Variants in NRDE2 observed in about 807,000 individuals in gnomAD.
The protein encoded by NRDE2 is nuclear exosome regulator NRDE2.
Under a neutral mutation model 124.2 loss-of-function variants are expected in NRDE2, and 76 were observed. The observed-to-expected ratio is 0.61, with a 90% confidence interval of 0.51 to 0.74. The LOEUF is 0.74. Among genes scored for constraint, NRDE2 ranks in the 30% least tolerant of loss-of-function variants. The probability of loss-of-function intolerance (pLI) is 0.00; values close to 1 mark genes in which losing one functional copy is unlikely to be tolerated. For synonymous variants in NRDE2, 489 were observed against 528.1 expected (o/e 0.93, Z 1.01); for missense variants, 1,314 against 1,417.3 (o/e 0.93, Z 1.17).
At chr14:90,315,078 G>A (rs1365671489) in intron 3 of NRDE2, among the ~76,000 whole-genome samples, 1 of 149,718 alleles carries the variant, frequency 6.7e-6, no homozygotes, top group East Asian at 2.0e-4. Flanking sequence ...TTGGGAGGCT[G>A]AGGCAGGAGA....
intron 1 of NRDE2, among the ~76,000 whole-genome samples, chr14:90,323,556 G>A (rs921367044): frequency 6.6e-6 from 1 of 152,156 alleles, no homozygotes. Flanking sequence ...TATGGAAGAA[G>A]ATTTGTTCCT....
chr14:90,293,768 T>C (rs905307992), intron 8 of NRDE2, among the ~76,000 whole-genome samples: 8 of 152,194 alleles, frequency 5.3e-5, no homozygotes, highest in Non-Finnish European at 1.0e-4. Flanking sequence ...CAATAATTTA[T>C]TTCACTTTGT....
intron 11 of NRDE2, among the ~76,000 whole-genome samples, chr14:90,287,033 C>CAAAAAAA (rs60863011): frequency 2.3e-3 from 55 of 23,792 alleles, no homozygotes; most frequent in Non-Finnish European, 2.8e-3. Context: ...GACTCCGTCT[C>CAAAAAAA]AAAAAAAAAA....
In NRDE2 at chr14:90,272,561, T is replaced by C. The variant is rs562422202; in HGVS notation, c.*5775A>G. 25 of 580,992 alleles carry C rather than the reference T, an allele frequency of 4.3e-5. No individual in the cohort carries two copies. Among genetic ancestry groups the C allele is most frequent in the East Asian group, 3.3e-4 (11 of 32,934 alleles). The allele number at this position is 580,992 out of a possible 1,614,324, so 36.0% of individuals were successfully genotyped here. On this transcript the variant is annotated 3_prime_UTR_variant, in exon 14 of 14. Coordinates refer to ENST00000354366, the MANE Select transcript of NRDE2 (RefSeq NM_017970.4). The surrounding 1 kb of genome is among the most constrained non-coding windows in gnomAD (Gnocchi z 4.5). ...TTGGAGTACGATGTGTAAGTGCCCA[T>C]TGGGTGGCCTGTTGGTCACTGTGCA...
Position 90,302,712 on chromosome 14 carries a change from C to T in NRDE2, c.1411+8G>A. ...CTCCCACGTAACTGGATCTGGTTAT[C>T]TCCTTACCAAACATGGCCTCTTCCG... On this transcript the variant is annotated splice_region_variant and intron_variant, in intron 6 of 13. Coordinates refer to ENST00000354366, the MANE Select transcript of NRDE2 (RefSeq NM_017970.4). The T allele has an allele frequency of 6.3e-7, 1 of 1,589,330 alleles. No individual in the cohort carries two copies. The highest frequency in any genetic ancestry group is 8.6e-7 in the Non-Finnish European group (1 of 1,167,310).
Position 90,274,069 on chromosome 14 carries a change from A to ACTC in NRDE2, c.*4264_*4266dup, listed in dbSNP as rs1388854964. 6.5e-6 allele frequency: 1 copy of ACTC among 154,770 alleles called. No individual in the cohort carries two copies. Among genetic ancestry groups the ACTC allele is most frequent in the Admixed American group, 6.5e-5 (1 of 15,268 alleles). 9.6% of individuals were successfully genotyped at this position (154,770 alleles called of 1,614,324 possible). Reference sequence around the variant, plus strand: ...GGGTGTGGCCATCTTTAGGGGCGCCACTCTGCCTACCACAGAGGACATCCA... The same window carrying ACTC: ...GGGTGTGGCCATCTTTAGGGGCGCCACTCCTCTGCCTACCACAGAGGACATCCA... On this transcript the variant is annotated 3_prime_UTR_variant, in exon 14 of 14. Coordinates refer to ENST00000354366, the MANE Select transcript of NRDE2 (RefSeq NM_017970.4).
Position 90,283,499 on chromosome 14 carries a change from C to T in NRDE2, c.3297+2855G>A, listed in dbSNP as rs533588726. 1.2e-4 allele frequency among the ~76,000 whole-genome samples: 18 copies of T among 152,242 alleles called. No homozygotes were observed. In the South Asian group the frequency reaches 3.5e-3, roughly 30 times the overall value. On this transcript the variant is annotated intron_variant, in intron 12 of 13. Transcript: ENST00000354366. ...TGCTGGGAATATCAGGGAGCATCTG[C>T]TCTGCTCCCTCAGCTGAGCAGCCTG...
At chr14:90,330,842 GAAAGTGT>G (rs1216679482) in intron 1 of NRDE2, among the ~76,000 whole-genome samples, 2 of 151,058 alleles carry the variant, frequency 1.3e-5, no homozygotes, top group Non-Finnish European at 2.9e-5. Context: ...AAACGTTACA[GAAAGTGT>G]AGGAACTATA....
intron 1 of NRDE2, among the ~76,000 whole-genome samples, 156 bp downstream of exon 1, chr14:90,331,685 G>A (rs540598910): frequency 4.6e-5 from 7 of 152,292 alleles, no homozygotes. Flanking sequence ...CCCAGACCTC[G>A]GAGGGATTGA....
intron 1 of NRDE2, among the ~76,000 whole-genome samples, chr14:90,331,132 T>C: frequency 6.6e-6 from 1 of 152,184 alleles, no homozygotes; most frequent in Non-Finnish European, 1.5e-5. Flanking sequence ...TTGATCATGA[T>C]GGTCATGAAC....
intron 12 of NRDE2, among the ~76,000 whole-genome samples, chr14:90,282,914 T>G (rs1001530771): frequency 6.6e-6 from 1 of 152,156 alleles, no homozygotes; most frequent in African/African-American, 2.4e-5. Flanking sequence ...CAAACATTTT[T>G]ACAGGGAAAA....
chr14:90,314,041 C>T (rs1287248725), intron 3 of NRDE2, among the ~76,000 whole-genome samples: 1 of 152,198 alleles, frequency 6.6e-6, no homozygotes, highest in Non-Finnish European at 1.5e-5. Flanking sequence ...CAGCTGCAGA[C>T]CGCCCCTGAG....
intron 7 of NRDE2, 84 bp from the exon 8 acceptor site, chr14:90,298,464 A>G: frequency 1.5e-6 from 2 of 1,344,340 alleles, no homozygotes; most frequent in Non-Finnish European, 2.1e-6. Flanking sequence ...GGTGGATATA[A>G]GAGAAGCTTA....
intron 8 of NRDE2, among the ~76,000 whole-genome samples, chr14:90,294,533 G>A (rs1173587078): frequency 6.6e-6 from 1 of 152,198 alleles, no homozygotes; most frequent in Non-Finnish European, 1.5e-5. Flanking sequence ...ATCCTGGCGT[G>A]ACATGGATGA....
At chr14:90,298,554 T>C (rs1884268019) in intron 7 of NRDE2, among the ~76,000 whole-genome samples, 174 bp from the exon 8 acceptor site, 1 of 152,188 alleles carries the variant, frequency 6.6e-6, no homozygotes, top group South Asian at 2.1e-4. Flanking sequence ...AAGATCTATC[T>C]AGCGTGGCAG....
chr14:90,313,650 T>C (rs554985494), intron 3 of NRDE2, among the ~76,000 whole-genome samples: 3 of 152,284 alleles, frequency 2.0e-5, no homozygotes, highest in African/African-American at 4.8e-5. Context: ...TAACATCTTC[T>C]TCCTCTAAAG....
At position 90,312,549 on chromosome 14, in the gene NRDE2, G is replaced by A; in HGVS notation, c.408-6C>T. 6.2e-7 allele frequency: 1 copy of A among 1,613,746 alleles called. No individual in the cohort carries two copies. Among genetic ancestry groups the A allele is most frequent in the Non-Finnish European group, 8.5e-7 (1 of 1,179,918 alleles). On this transcript the variant is annotated splice_polypyrimidine_tract_variant and splice_region_variant and intron_variant, in intron 3 of 13. Transcript: ENST00000354366. ...CTGCAGCATTATTTCCTTGACTGTG[G>A]GACAAAGGAAGAAGAAGAAGGGAGA...
chr14:90,318,262 G>C, intron 1 of NRDE2, 149 bp from the exon 2 acceptor site: 1 of 589,552 alleles, frequency 1.7e-6, no homozygotes, highest in South Asian at 2.3e-5. Flanking sequence ...CACAGAAGCT[G>C]AACAGAATCC....
intron 12 of NRDE2, among the ~76,000 whole-genome samples, chr14:90,283,634 G>A (rs1423653276): frequency 6.6e-6 from 1 of 151,976 alleles, no homozygotes; most frequent in Non-Finnish European, 1.5e-5. Context: ...GCTCACACAC[G>A]AGTCAAACCA....
Sources: gnomAD v4.1 joint callset for allele counts (sites outside exome capture counted in the v4.1 genomes callset) on GRCh38, gnomAD v4.1.1 for gene constraint, Gnocchi (gnomAD v3.1) non-coding constraint, MANE v1.5 for transcripts, NCBI Gene and HGNC (gene_info 2026-07-23, HGNC 2026-07-21) for gene names.